The following SGK3 variants were observed in gnomAD, a reference collection of about 807,000 sequenced individuals.
SGK3 encodes serum/glucocorticoid regulated kinase family member 3, also known as serine/threonine-protein kinase Sgk3.
A neutral mutation model predicts 68.5 loss-of-function variants in SGK3; 47 were observed. That is an observed-to-expected ratio of 0.69 (90% CI 0.54 to 0.87). The LOEUF is 0.87. Among genes scored for constraint, SGK3 ranks in the 40% least tolerant of loss-of-function variants. SGK3 has a pLI of 0.00. For missense variants in SGK3, 479 were observed against 575.5 expected (o/e 0.83, Z 1.72); for synonymous variants, 181 against 189.1 (o/e 0.96, Z 0.35).
intron 1 of SGK3, among the ~76,000 whole-genome samples, chr8:66,766,339 A>G (rs1585685593): frequency 6.6e-6 from 1 of 152,132 alleles, no homozygotes; most frequent in Non-Finnish European, 1.5e-5. Flanking sequence ...CCTGGCTAAC[A>G]TGGCAAAACC....
rs561145324 is a variant in SGK3 at position 66,764,106 on chromosome 8, G to A, written c.-121-29510G>A. 2.1e-4 allele frequency among the ~76,000 whole-genome samples: 32 copies of A among 152,160 alleles called. 1 individual carries two copies. The highest frequency in any genetic ancestry group is 6.2e-4 in the South Asian group (3 of 4,822). ...TGGAACTCCTGGGCTCAAGCGATCT[G>A]CCCACCTTGGCCCCCCAGAGTGCTG... On this transcript the variant is annotated intron_variant, in intron 1 of 16. Transcript: ENST00000521198.
rs1810739466 is a variant in SGK3 at position 66,861,341 on chromosome 8, C to T, written c.*1760C>T. On this transcript the variant is annotated 3_prime_UTR_variant, in exon 17 of 17. Transcript: ENST00000521198. The stretch of plus-strand genomic sequence containing the variant: ...GAATAACTGGCCGGGCACGGTGGCT[C>T]ATGCCTATAAAATTCCAGCACTTTG... 1 of 152,136 alleles carries T rather than the reference C, an allele frequency of 6.6e-6. No homozygotes were observed. The allele number at this position is 152,136 out of a possible 1,614,324, so 9.4% of individuals were successfully genotyped here.
chr8:66,733,739 T>C (rs1805234520), intron 1 of SGK3, among the ~76,000 whole-genome samples: 1 of 151,866 alleles, frequency 6.6e-6, no homozygotes, highest in Non-Finnish European at 1.5e-5. Context: ...AGAAAAAAAC[T>C]TTAAAGATTA....
intron 2 of SGK3, among the ~76,000 whole-genome samples, chr8:66,797,525 A>G (rs1210830728): frequency 6.6e-6 from 1 of 152,124 alleles, no homozygotes; most frequent in Non-Finnish European, 1.5e-5. Context: ...TCTCATGTAT[A>G]GTGGGGGGTT....
intron 1 of SGK3, among the ~76,000 whole-genome samples, chr8:66,748,640 G>A (rs1805717952): frequency 6.6e-6 from 1 of 152,126 alleles, no homozygotes; most frequent in Admixed American, 6.6e-5. Context: ...GGCCAGCAGT[G>A]CCTTGGATTC....
intron 14 of SGK3, among the ~76,000 whole-genome samples, chr8:66,846,472 GC>G (rs904844539): frequency 4.6e-5 from 7 of 151,988 alleles, no homozygotes; most frequent in Admixed American, 3.9e-4. Flanking sequence ...ACACCACCAT[GC>G]CCAGCTGGTT....
intron 3 of SGK3, 83 bp downstream of exon 3, chr8:66,798,708 A>G (rs1807804956): frequency 4.3e-6 from 5 of 1,172,280 alleles, no homozygotes; most frequent in South Asian, 3.1e-5. Flanking sequence ...TGAATGATTA[A>G]ATTGATACTC....
chr8:66,829,867 A>ATT (rs10689856), intron 7 of SGK3, among the ~76,000 whole-genome samples: 3,370 of 137,738 alleles, frequency 0.024, 65 homozygotes, highest in Non-Finnish European at 0.038. Context: ...CAAAAAATGG[A>ATT]TTTTTTTTTT....
chr8:66,831,229 A>G (rs374771800), intron 7 of SGK3, 25 bp from the exon 8 acceptor site: 12 of 1,612,350 alleles, frequency 7.4e-6, no homozygotes, highest in Middle Eastern at 1.7e-4. Context: ...CTAGGAGGCT[A>G]ATTCTTATTG....
intron 1 of SGK3, among the ~76,000 whole-genome samples, chr8:66,780,027 A>C (rs1234072576): frequency 6.6e-6 from 1 of 152,164 alleles, no homozygotes; most frequent in Admixed American, 6.5e-5. Context: ...ATCATTCATA[A>C]AAATAATAAA....
At chr8:66,738,517 A>G (rs1157800674) in intron 1 of SGK3, among the ~76,000 whole-genome samples, 3 of 152,186 alleles carry the variant, frequency 2.0e-5, no homozygotes, top group East Asian at 1.9e-4. Flanking sequence ...TTCCCCGGCT[A>G]TCAGCTCCAA....
At chr8:66,727,945 C>T (rs534065087) in intron 1 of SGK3, among the ~76,000 whole-genome samples, 39 of 152,346 alleles carry the variant, frequency 2.6e-4, no homozygotes, top group Non-Finnish European at 8.8e-5. Flanking sequence ...AATAAACCCA[C>T]AGCATACACT....
At chr8:66,831,933 G>C (rs575753122) in intron 8 of SGK3, among the ~76,000 whole-genome samples, 1 of 152,268 alleles carries the variant, frequency 6.6e-6, no homozygotes, top group Admixed American at 6.5e-5. Context: ...TACAATCTCG[G>C]TGGGGGGATA....
At chr8:66,732,129 C>CA (rs1805173044) in intron 1 of SGK3, among the ~76,000 whole-genome samples, 1 of 152,014 alleles carries the variant, frequency 6.6e-6, no homozygotes, top group African/African-American at 2.4e-5. Context: ...TTCATTGGAA[C>CA]AGTATTTAAT....
At chr8:66,804,229 T>G in intron 3 of SGK3, 146 bp from the exon 4 acceptor site, 1 of 646,994 alleles carries the variant, frequency 1.5e-6, no homozygotes, top group Non-Finnish European at 2.5e-6. Context: ...TTGGTATAAT[T>G]TATGTTATAC....
intron 1 of SGK3, among the ~76,000 whole-genome samples, chr8:66,720,372 C>T (rs185009431): frequency 1.2e-4 from 19 of 152,270 alleles, no homozygotes; most frequent in African/African-American, 4.6e-4. Flanking sequence ...GTAGCTCATG[C>T]CCGTAACCCC....
At chr8:66,742,861 CCTTT>C (rs1364745694) in intron 1 of SGK3, among the ~76,000 whole-genome samples, 2 of 152,060 alleles carry the variant, frequency 1.3e-5, no homozygotes, top group Non-Finnish European at 2.9e-5. Flanking sequence ...TCCAATCATG[CCTTT>C]CTGTCTCCAT....
At chr8:66,728,851 T>C (rs1008249417) in intron 1 of SGK3, among the ~76,000 whole-genome samples, 7 of 151,200 alleles carry the variant, frequency 4.6e-5, no homozygotes, top group Non-Finnish European at 1.0e-4. Flanking sequence ...GTCTAGGAGT[T>C]CACCCAGTGA....
chr8:66,856,225 G>A (rs1810499947), intron 16 of SGK3, among the ~76,000 whole-genome samples: 1 of 152,012 alleles, frequency 6.6e-6, no homozygotes, highest in Non-Finnish European at 1.5e-5. Context: ...TGGCCACCAT[G>A]CTGGGCTAAT....
Sources: gnomAD v4.1 joint callset for allele counts (sites outside exome capture counted in the v4.1 genomes callset) on GRCh38, gnomAD v4.1.1 for gene constraint, MANE v1.5 for transcripts, NCBI Gene and HGNC (gene_info 2026-07-23, HGNC 2026-07-21) for gene names.